Variants in INIP observed in about 807,000 individuals in gnomAD.
INIP encodes the protein INTS3 and NABP interacting protein, also known as SOSS complex subunit C.
INIP carries 9 observed loss-of-function variants against 14.0 expected under a neutral mutation model. The ratio of observed to expected loss-of-function variants is 0.64; its 90% CI spans 0.39 to 1.12. The LOEUF (loss-of-function observed/expected upper bound fraction) is 1.12. INIP is among the 50% of genes most tolerant of loss of function. INIP has a pLI of 0.01. For missense variants in INIP, 78 were observed against 122.7 expected, an observed-to-expected ratio of 0.64 and a Z score of 1.72; for synonymous variants, 37 against 41.5, an observed-to-expected ratio of 0.89 and a Z score of 0.41.
chr9:112,714,354 A>C (rs1838740379), intron 2 of INIP, among the ~76,000 whole-genome samples: 1 of 152,284 alleles, frequency 6.6e-6, no homozygotes, highest in Non-Finnish European at 1.5e-5. Context: ...CAGACTTGAT[A>C]CAGAACGGAA....
Position 112,687,284 on chromosome 9 carries a change from T to G in INIP, c.*254A>C. 3.1e-6 allele frequency: 1 copy of G among 324,032 alleles called. No homozygotes were observed. The highest frequency in any genetic ancestry group is 5.2e-5 in the East Asian group (1 of 19,174). The allele number at this position is 324,032 out of a possible 1,614,324, so 20.1% of individuals were successfully genotyped here. On this transcript the variant is annotated 3_prime_UTR_variant, in exon 5 of 5. Transcript: ENST00000374242. ...CGTGACCATCCAGTTCACAGTCTGA[T>G]TGAGAGTTAAACAGCATTACAAAAA...
At chr9:112,694,042 T>C in intron 3 of INIP, 89 bp downstream of exon 3, 1 of 815,154 alleles carries the variant, frequency 1.2e-6, no homozygotes. Flanking sequence ...ACCATTGCAC[T>C]CCAGCCTGGG....
chr9:112,685,717 A>C lies in INIP; in HGVS notation c.*1821T>G, dbSNP rs886766597. 2.0e-5 allele frequency: 3 copies of C among 152,210 alleles called. No individual in the cohort carries two copies. The highest frequency in any genetic ancestry group is 2.0e-4 in the Admixed American group (3 of 15,282). 9.4% of individuals were successfully genotyped at this position (152,210 alleles called of 1,614,324 possible). A position where few individuals can be genotyped will look rare whatever the true frequency, so the allele number is the denominator to read the frequency against. On this transcript the variant is annotated 3_prime_UTR_variant, in exon 5 of 5. Transcript: ENST00000374242. ...GATGACAGAGAACAGAAACCTAGTG[A>C]AATCAACTCAAGACAATGAGGGCTA...
chr9:112,696,468 ATTCTC>A lies in INIP; in HGVS notation c.26-2240_26-2236del, dbSNP rs538282038. ...AAACTGTTTTTGGAAAAAACAAACTATTCTCTACTCTCATTCAACACAAAACTTCT... is the reference window on the plus strand; with the variant it reads ...AAACTGTTTTTGGAAAAAACAAACTATACTCTCATTCAACACAAAACTTCT... On this transcript the variant is annotated intron_variant, in intron 2 of 4. Coordinates refer to ENST00000374242, the MANE Select transcript of INIP (RefSeq NM_021218.3). 5.7e-4 allele frequency among the ~76,000 whole-genome samples: 87 copies of A among 152,274 alleles called. 1 individual carries two copies. The highest frequency in any genetic ancestry group is 2.0e-3 in the African/African-American group (83 of 41,548).
At chr9:112,711,935 A>G (rs1837434762) in intron 2 of INIP, among the ~76,000 whole-genome samples, 1 of 152,222 alleles carries the variant, frequency 6.6e-6, no homozygotes, top group Admixed American at 6.5e-5. Context: ...CAAATATAAT[A>G]CTAAAATATT....
At chr9:112,694,296 C>G in intron 2 of INIP, 63 bp from the exon 3 acceptor site, 1 of 985,410 alleles carries the variant, frequency 1.0e-6, no homozygotes, top group Non-Finnish European at 1.6e-6. Context: ...ACATTTTAGA[C>G]CTATTTTTAT....
rs112292694 is a variant in INIP at position 112,716,682 on chromosome 9, C to T, written c.-56-141G>A. On this transcript the variant is annotated intron_variant, in intron 1 of 4. Coordinates refer to ENST00000374242, the MANE Select transcript of INIP (RefSeq NM_021218.3). ...TACATTTGTGCCGGGCGCGGTGGCT[C>T]ACGCCTGTAATCCCAGCACTTTGGG... 6.8e-4 allele frequency: 233 copies of T among 342,734 alleles called. 1 individual carries two copies. The highest frequency in any genetic ancestry group is 4.6e-3 in the African/African-American group (207 of 45,472). 21.2% of individuals were successfully genotyped at this position (342,734 alleles called of 1,614,324 possible).
intron 2 of INIP, among the ~76,000 whole-genome samples, chr9:112,707,488 CT>C: frequency 6.6e-6 from 1 of 151,114 alleles, no homozygotes; most frequent in African/African-American, 2.4e-5. Flanking sequence ...CCACACGTTT[CT>C]TTTTTTTCCT....
Position 112,689,606 on chromosome 9 carries a change from G to A in INIP, c.140C>T (p.Ser47Leu), listed in dbSNP as rs755164675. 5.6e-6 allele frequency: 9 copies of A among 1,613,738 alleles called. No homozygotes were observed. Among genetic ancestry groups the A allele is most frequent in the Admixed American group, 1.7e-5 (1 of 59,994 alleles). ...GAAGTCCTTATTAAGAGAGGGTCTC[G>A]AGAGTGCAATGCTAAAATGGGAATC... ...TNHPGASIAL[S>L]RPSLNKDFRD... Residue 47 changes from serine (S) to leucine (L), a missense_variant, in exon 4 of 5, where the codon TCG becomes TTG. Transcript: ENST00000374242.
chr9:112,701,827 A>C (rs1838308644), intron 2 of INIP: 1 of 151,904 alleles, frequency 6.6e-6, no homozygotes, highest in Non-Finnish European at 1.5e-5. Flanking sequence ...AGGCAGGAGG[A>C]TCACCTGAGG....
intron 2 of INIP, among the ~76,000 whole-genome samples, chr9:112,700,516 G>GTATATATAA (rs1242743314): frequency 7.3e-6 from 1 of 137,526 alleles, no homozygotes; most frequent in Non-Finnish European, 1.5e-5. Context: ...TATAAATTAG[G>GTATATATAA]TATATATAAT....
chr9:112,692,238 A>G (rs910717774), intron 3 of INIP, among the ~76,000 whole-genome samples: 2 of 152,168 alleles, frequency 1.3e-5, no homozygotes, highest in African/African-American at 4.8e-5. Flanking sequence ...TTGCTTTAAG[A>G]GAAAGACAGA....
intron 2 of INIP, among the ~76,000 whole-genome samples, chr9:112,713,622 G>T (rs770727420): frequency 6.6e-6 from 1 of 152,024 alleles, no homozygotes; most frequent in Non-Finnish European, 1.5e-5. Context: ...GAGCCCAGGA[G>T]TTTGAGGCTG....
At chr9:112,689,461 CTA>C (rs751355332) in intron 4 of INIP, 64 bp downstream of exon 4, 16 of 1,216,752 alleles carry the variant, frequency 1.3e-5, no homozygotes, top group Non-Finnish European at 1.9e-5. Flanking sequence ...TATAAAATAA[CTA>C]TGTGCCGGCT....
intron 4 of INIP, among the ~76,000 whole-genome samples, chr9:112,688,041 G>A (rs191820732): frequency 1.4e-4 from 21 of 151,898 alleles, no homozygotes; most frequent in African/African-American, 4.8e-4. Context: ...AGCAGAGCTC[G>A]CACCACTGCA....
intron 2 of INIP, chr9:112,701,847 C>A: frequency 1.4e-5 from 2 of 147,988 alleles, no homozygotes; most frequent in South Asian, 4.0e-4. Flanking sequence ...GCCAGGAGTT[C>A]AAGATCAGCC....
In INIP at chr9:112,686,388, C is replaced by T. The variant is rs1837665718; in HGVS notation, c.*1150G>A. ...GGACTAGGGTAGGGTAGTGGGACTG[C>T]ATACTTAAATAAGCACCCCAGATAC... On this transcript the variant is annotated 3_prime_UTR_variant, in exon 5 of 5. Coordinates refer to ENST00000374242, the MANE Select transcript of INIP (RefSeq NM_021218.3). 1 of 152,162 alleles carries T rather than the reference C, an allele frequency of 6.6e-6. No individual in the cohort carries two copies. The allele number at this position is 152,162 out of a possible 1,614,324, so 9.4% of individuals were successfully genotyped here.
At chr9:112,706,964 T>C (rs1480881424) in intron 2 of INIP, among the ~76,000 whole-genome samples, 1 of 151,950 alleles carries the variant, frequency 6.6e-6, no homozygotes, top group Non-Finnish European at 1.5e-5. Context: ...CAGGCTGGAG[T>C]GCAATGGCGT....
chr9:112,706,698 C>T (rs1838480363), intron 2 of INIP, among the ~76,000 whole-genome samples: 1 of 152,110 alleles, frequency 6.6e-6, no homozygotes, highest in African/African-American at 2.4e-5. Context: ...TAATTCAATG[C>T]ATCTCTTTTT....
Sources: gnomAD v4.1 joint callset for allele counts (sites outside exome capture counted in the v4.1 genomes callset) on GRCh38, gnomAD v4.1.1 for gene constraint, MANE v1.5 for transcripts, NCBI Gene and HGNC (gene_info 2026-07-23, HGNC 2026-07-21) for gene names.